ZNF318: variants seen among roughly 807,000 people sequenced by gnomAD.
The protein encoded by ZNF318 is zinc finger protein 318.
ZNF318 carries 51 observed loss-of-function variants against 124.2 expected under a neutral mutation model. The ratio of observed to expected loss-of-function variants is 0.41; its 90% CI spans 0.33 to 0.52. The LOEUF (loss-of-function observed/expected upper bound fraction) is 0.52. Among genes scored for constraint, ZNF318 ranks in the 20% least tolerant of loss-of-function variants. The pLI, the probability that ZNF318 is intolerant of heterozygous loss-of-function variation, is 0.23. For synonymous variants in ZNF318, 1,090 were observed against 1,040.7 expected (o/e 1.05, Z -0.91); for missense variants, 2,815 against 2,811.2 (o/e 1.00, Z -0.03).
intron 5 of ZNF318, 72 bp from the exon 6 acceptor site, chr6:43,348,697 A>G (rs1779484047): frequency 1.8e-5 from 27 of 1,517,132 alleles, no homozygotes; most frequent in Non-Finnish European, 2.1e-5. Context: ...TACAAGCAAT[A>G]ATTTGTCAGG....
In ZNF318 at chr6:43,369,260, C is replaced by T; in HGVS notation, c.106G>A (p.Ala36Thr). 3.9e-6 allele frequency: 5 copies of T among 1,277,868 alleles called. No individual in the cohort carries two copies. Among genetic ancestry groups the T allele is most frequent in the South Asian group, 4.3e-5 (2 of 46,782 alleles). 79.2% of individuals were successfully genotyped at this position (1,277,868 alleles called of 1,614,324 possible). The change falls in exon 1 of 10, where the codon GCT becomes ACT. Residue 36 changes from alanine to threonine, a missense_variant. By Grantham distance (58) the Ala-to-Thr change is moderately conservative (BLOSUM62 0). Transcript: ENST00000361428. The stretch of plus-strand genomic sequence containing the variant: ...GGAGGCGGCGGTGAGCTGCGGCGAG[C>T]CGGGCCTGAGGAGGAGCCAGAGCTG... ...GRSSGSSSGP[A>T]RRSSPPPPPS...
Position 43,342,534 on chromosome 6 carries a change from G to T in ZNF318, c.3276+142C>A, listed in dbSNP as rs569154548. 1.9e-5 allele frequency: 16 copies of T among 837,264 alleles called. No individual in the cohort carries two copies. The South Asian group carries it at 2.6e-4, about 14-fold the overall frequency. 51.9% of individuals were successfully genotyped at this position (837,264 alleles called of 1,614,324 possible). On this transcript the variant is annotated intron_variant, in intron 7 of 9. Transcript: ENST00000361428. The stretch of plus-strand genomic sequence containing the variant: ...GAGCCCTGGGGATGGTGTCTCCTTT[G>T]TTGGTGTCTCTTGGCTCTTCAGACT...
intron 1 of ZNF318, chr6:43,368,744 G>A: frequency 1.0e-6 from 1 of 985,470 alleles, no homozygotes; most frequent in South Asian, 4.7e-5. Context: ...CCTAAGGAAC[G>A]GAGCGCGCAC....
chr6:43,360,529 T>G (rs1402919970), intron 2 of ZNF318, among the ~76,000 whole-genome samples: 24 of 152,234 alleles, frequency 1.6e-4, no homozygotes. Flanking sequence ...AGTTAGGTAA[T>G]AAGGACATGG....
intron 1 of ZNF318, among the ~76,000 whole-genome samples, chr6:43,367,221 CTTA>C (rs1779773956): frequency 6.6e-6 from 1 of 152,218 alleles, no homozygotes; most frequent in Non-Finnish European, 1.5e-5. Context: ...CTAACTTCAA[CTTA>C]TTATCCAACT....
At position 43,337,893 on chromosome 6, in the gene ZNF318, G is replaced by C; in HGVS notation, c.6105C>G (p.Ser2035=). The part of the protein sequence containing the change: ...CTTRVSPAHR[S]PTVLCQKVCE... Reference sequence around the variant, plus strand: ...ACACTTTCTGACACAAGACAGTTGGGGATCTATGTGCTGGGCTTACCCGAG... The same window carrying C: ...ACACTTTCTGACACAAGACAGTTGGCGATCTATGTGCTGGGCTTACCCGAG... Residue 2035 remains serine (S), a synonymous_variant, in exon 10 of 10, where the codon TCC becomes TCG. Transcript: ENST00000361428. 1 of 1,614,160 alleles carries C rather than the reference G, an allele frequency of 6.2e-7. No individual in the cohort carries two copies.
chr6:43,358,553 C>T (rs1225360527), intron 2 of ZNF318, among the ~76,000 whole-genome samples: 1 of 150,790 alleles, frequency 6.6e-6, no homozygotes, highest in East Asian at 2.0e-4. Flanking sequence ...TGAGCCACCG[C>T]GCCCAGCCTG....
intron 5 of ZNF318, among the ~76,000 whole-genome samples, 194 bp downstream of exon 5, chr6:43,352,183 T>TTCTTTG (rs1562132282): frequency 2.4e-4 from 27 of 110,426 alleles, no homozygotes; most frequent in South Asian, 8.9e-4. Flanking sequence ...ATCATCATCA[T>TTCTTTG]CACCACCACC....
intron 2 of ZNF318, 37 bp downstream of exon 2, chr6:43,365,255 T>A: frequency 1.9e-6 from 3 of 1,594,652 alleles, no homozygotes; most frequent in Non-Finnish European, 2.6e-6. Context: ...TGCCTTCAAG[T>A]ACTAGTATAG....
In ZNF318 at chr6:43,342,835, C is replaced by G; in HGVS notation, c.3117G>C (p.Lys1039Asn). The G allele has an allele frequency of 6.2e-7, 1 of 1,613,860 alleles. No individual in the cohort carries two copies. The highest frequency in any genetic ancestry group is 8.5e-7 in the Non-Finnish European group (1 of 1,179,822). Reference protein sequence around the residue: ...NNEKFRTKSPKPAESPQSATK... With the variant: ...NNEKFRTKSPNPAESPQSATK... ...TGGCTGACTGGGGGCTTTCGGCAGG[C>G]TTGGGGCTCTTAGTACGAAACTTCT... Residue 1039 changes from lysine (K) to asparagine (N), a missense_variant, in exon 7 of 10, where the codon AAG becomes AAC. This residue lies in a region of ZNF318 where 1,377 missense variants were observed against 1,353.5 expected (regional missense o/e 1.02). Coordinates refer to ENST00000361428, the MANE Select transcript of ZNF318 (RefSeq NM_014345.3).
chr6:43,337,242 G>T lies in ZNF318; in HGVS notation c.6756C>A (p.Asp2252Glu). 1 of 1,614,138 alleles carries T rather than the reference G, an allele frequency of 6.2e-7. No individual in the cohort carries two copies. Among genetic ancestry groups the T allele is most frequent in the African/African-American group, 1.3e-5 (1 of 75,040 alleles). Residue 2252 changes from aspartate (D) to glutamate (E), a missense_variant, in exon 10 of 10, where the codon GAC becomes GAA. By Grantham distance (45) the Asp-to-Glu change is conservative. This residue lies in a region of ZNF318 where 927 missense variants were observed against 820.6 expected (regional missense o/e 1.13). Coordinates refer to ENST00000361428, the MANE Select transcript of ZNF318 (RefSeq NM_014345.3). Reference protein sequence around the residue: ...RSPPREQVIEDNMVPQGMPEQ... With the variant: ...RSPPREQVIEENMVPQGMPEQ... ...CAGGCATTCCCTGAGGGACCATATT[G>T]TCTTCAATTACCTGCTCCCTTGGAG...
At chr6:43,368,861 T>G in intron 1 of ZNF318, 106 bp downstream of exon 1, 1 of 1,238,730 alleles carries the variant, frequency 8.1e-7, no homozygotes, top group Non-Finnish European at 1.0e-6. Flanking sequence ...GCCGGAGGCT[T>G]CGCGCTTAGG....
chr6:43,342,886 G>C lies in ZNF318; in HGVS notation c.3073-7C>G. 1 of 1,603,480 alleles carries C rather than the reference G, an allele frequency of 6.2e-7. No homozygotes were observed. The highest frequency in any genetic ancestry group is 8.5e-7 in the Non-Finnish European group (1 of 1,173,138). ...CATTGTTTACTTTTGATTCCTAGAG[G>C]GGAAAAATCTGTACTTACAAGGAAT... On this transcript the variant is annotated splice_region_variant and splice_polypyrimidine_tract_variant and intron_variant, in intron 6 of 9. Coordinates refer to ENST00000361428, the MANE Select transcript of ZNF318 (RefSeq NM_014345.3).
Position 43,355,091 on chromosome 6 carries a change from G to A in ZNF318, c.2243C>T (p.Ala748Val), listed in dbSNP as rs1779584938. The A allele has an allele frequency of 1.2e-6, 2 of 1,614,170 alleles. No individual in the cohort carries two copies. Among genetic ancestry groups the A allele is most frequent in the East Asian group, 4.5e-5 (2 of 44,888 alleles). Residue 748 changes from alanine to valine, a missense_variant, in exon 4 of 10, where the codon GCC becomes GTC. Ala to Val is a moderately conservative substitution (Grantham distance 64). This residue lies in a region of ZNF318 where 1,377 missense variants were observed against 1,353.5 expected (regional missense o/e 1.02). Coordinates refer to ENST00000361428, the MANE Select transcript of ZNF318 (RefSeq NM_014345.3). ...VRCMLPSAPS[A>V]PIRLPHTAAL... ...AGCAGTGTGTGGAAGTCTAATTGGG[G>A]CAGATGGGGCTGATGGCAACATGCA...
In ZNF318 at chr6:43,369,243, C is replaced by T; in HGVS notation, c.123G>A (p.Pro41=). 8.1e-7 allele frequency: 1 copy of T among 1,239,342 alleles called. No individual in the cohort carries two copies. The highest frequency in any genetic ancestry group is 1.0e-6 in the Non-Finnish European group (1 of 991,184). 76.8% of individuals were successfully genotyped at this position (1,239,342 alleles called of 1,614,324 possible). Residue 41 remains proline (P), a synonymous_variant, in exon 1 of 10, where the codon CCG becomes CCA. Transcript: ENST00000361428. ...SSSGPARRSS[P]PPPPSGSSSR... ...ACGAGGAGCCGGAGGGCGGAGGCGG[C>T]GGTGAGCTGCGGCGAGCCGGGCCTG...
intron 1 of ZNF318, among the ~76,000 whole-genome samples, chr6:43,366,416 A>G (rs1779762096): frequency 6.6e-6 from 1 of 152,178 alleles, no homozygotes; most frequent in South Asian, 2.1e-4. Context: ...TTTCCTCCAG[A>G]TGCTTGCACA....
chr6:43,351,311 G>A (rs1161049298), intron 5 of ZNF318, among the ~76,000 whole-genome samples: 1 of 152,192 alleles, frequency 6.6e-6, no homozygotes, highest in African/African-American at 2.4e-5. Context: ...GGGACAATGT[G>A]AAATATGAGT....
intron 5 of ZNF318, among the ~76,000 whole-genome samples, chr6:43,349,042 AT>A (rs1017851399): frequency 2.0e-5 from 3 of 151,536 alleles, no homozygotes; most frequent in African/African-American, 4.9e-5. Flanking sequence ...TCAAAAAACA[AT>A]TTTTTTTTCT....
chr6:43,362,964 A>C (rs1274280592), intron 2 of ZNF318, among the ~76,000 whole-genome samples: 1 of 152,150 alleles, frequency 6.6e-6, no homozygotes, highest in East Asian at 1.9e-4. Flanking sequence ...AAAGAAGAGA[A>C]ATGTGTAGGG....
Sources: gnomAD v4.1 joint callset for allele counts (sites outside exome capture counted in the v4.1 genomes callset) on GRCh38, gnomAD v4.1.1 for gene constraint, gnomAD v4.1.1 regional missense constraint, MANE v1.5 for transcripts, NCBI Gene and HGNC (gene_info 2026-07-23, HGNC 2026-07-21) for gene names.